VPS4B: variants seen among roughly 807,000 people sequenced by gnomAD.
VPS4B encodes vacuolar protein sorting 4 homolog B, also known as vacuolar protein sorting-associated protein 4B.
Under a neutral mutation model 56.1 loss-of-function variants are expected in VPS4B, and 23 were observed. The observed-to-expected ratio is 0.41, with a 90% CI of 0.30 to 0.58. VPS4B has a LOEUF of 0.58. Among genes scored for constraint, VPS4B ranks in the 20% least tolerant of loss-of-function variants. The pLI is 0.29. For missense variants in VPS4B, 372 were observed against 531.9 expected, an observed-to-expected ratio of 0.70 and a Z score of 2.96; for synonymous variants, 177 against 186.0, an observed-to-expected ratio of 0.95 and a Z score of 0.39.
At chr18:63,400,736 A>C (rs1915791210) in intron 5 of VPS4B, 33 bp from the exon 6 acceptor site, 8 of 1,577,164 alleles carry the variant, frequency 5.1e-6, no homozygotes, top group Non-Finnish European at 6.9e-6. Context: ...TGTCATGAGA[A>C]TTTTAACACT....
At chr18:63,416,273 A>C (rs149614981) in intron 1 of VPS4B, 1 of 211,620 alleles carries the variant, frequency 4.7e-6, no homozygotes, top group East Asian at 1.1e-4. Context: ...CTGTTCCTGC[A>C]GCAGCTGTAG....
At chr18:63,415,647 A>G (rs914946444) in intron 1 of VPS4B, 27 of 246,132 alleles carry the variant, frequency 1.1e-4, no homozygotes, top group African/African-American at 6.0e-4. Flanking sequence ...AAAGCTGTCC[A>G]GTTGGTTGAG....
intron 10 of VPS4B, among the ~76,000 whole-genome samples, 191 bp downstream of exon 10, chr18:63,393,218 C>T (rs1418843061): frequency 6.6e-6 from 1 of 152,000 alleles, no homozygotes; most frequent in Non-Finnish European, 1.5e-5. Context: ...CCTCTAAACC[C>T]AAGAAAATAG....
intron 1 of VPS4B, among the ~76,000 whole-genome samples, chr18:63,413,421 C>T (rs764923986): frequency 3.9e-5 from 6 of 152,074 alleles, no homozygotes; most frequent in Middle Eastern, 6.8e-3. Context: ...CGCCTATAGT[C>T]CCAGCTACTT....
chr18:63,411,337 T>C (rs1916036244), intron 2 of VPS4B, 130 bp downstream of exon 2: 3 of 601,994 alleles, frequency 5.0e-6, no homozygotes, highest in African/African-American at 1.9e-5. Flanking sequence ...AGAAAGAAAG[T>C]GGAGTATTTT....
intron 1 of VPS4B, among the ~76,000 whole-genome samples, chr18:63,422,007 A>G (rs1420548081): frequency 6.6e-6 from 1 of 152,222 alleles, no homozygotes; most frequent in African/African-American, 2.4e-5. Flanking sequence ...ACAAAAGTGA[A>G]GAGTCTCACA....
intron 1 of VPS4B, among the ~76,000 whole-genome samples, chr18:63,413,465 G>GGAGGC (rs1240572925): frequency 3.3e-5 from 5 of 151,694 alleles, no homozygotes; most frequent in African/African-American, 1.2e-4. Flanking sequence ...CTTGAACCCG[G>GGAGGC]GAGGCGGTGG....
chr18:63,422,167 C>T, intron 1 of VPS4B, 66 bp downstream of exon 1: 1 of 1,420,266 alleles, frequency 7.0e-7, no homozygotes, highest in South Asian at 1.5e-5. Flanking sequence ...TCCCCGCCCC[C>T]CACCCGCTTC....
chr18:63,392,730 G>A (rs1489767325), intron 10 of VPS4B, among the ~76,000 whole-genome samples: 2 of 140,814 alleles, frequency 1.4e-5, no homozygotes, highest in South Asian at 2.4e-4. Flanking sequence ...TTACAGGCAT[G>A]AGCCACCGTA....
At chr18:63,407,535 T>A (rs770507499) in intron 3 of VPS4B, 36 bp from the exon 4 acceptor site, 3 of 1,508,660 alleles carry the variant, frequency 2.0e-6, no homozygotes, top group African/African-American at 1.4e-5. Flanking sequence ...AAATGATCAC[T>A]CATTGCTATC....
chr18:63,417,152 T>A (rs1916185957), intron 1 of VPS4B, among the ~76,000 whole-genome samples: 1 of 152,198 alleles, frequency 6.6e-6, no homozygotes, highest in Non-Finnish European at 1.5e-5. Context: ...TTACTTCACT[T>A]CTGTCATTCT....
chr18:63,410,963 T>A (rs1028458283), intron 2 of VPS4B, among the ~76,000 whole-genome samples: 7 of 152,226 alleles, frequency 4.6e-5, no homozygotes. Flanking sequence ...AAAGTGAACT[T>A]TGGCAACACG....
At chr18:63,401,099 T>C (rs1915797906) in intron 5 of VPS4B, among the ~76,000 whole-genome samples, 1 of 152,214 alleles carries the variant, frequency 6.6e-6, no homozygotes, top group Admixed American at 6.5e-5. Context: ...ACAAAAATTA[T>C]ATCCATAAAA....
At chr18:63,411,669 T>A (rs1395964206) in intron 1 of VPS4B, 91 bp from the exon 2 acceptor site, 51 of 881,076 alleles carry the variant, frequency 5.8e-5, no homozygotes, top group South Asian at 7.2e-5. Flanking sequence ...TTTTTTTTTT[T>A]AAAGCTTCTC....
At position 63,403,789 on chromosome 18, in the gene VPS4B, A is replaced by G. The variant is rs758341819; in HGVS notation, c.402T>C (p.Ser134=). 6.2e-7 allele frequency: 1 copy of G among 1,613,008 alleles called. No individual in the cohort carries two copies. The highest frequency in any genetic ancestry group is 1.1e-5 in the South Asian group (1 of 90,868). Reference sequence around the variant, plus strand: ...TGGCTCCTTCAAGTCCAGCAACGTCACTCCATTTCACATTTGGTCGTTCTA... The same window carrying G: ...TGGCTCCTTCAAGTCCAGCAACGTCGCTCCATTTCACATTTGGTCGTTCTA... ...IVIERPNVKW[S]DVAGLEGAKE... is the part of the protein sequence containing the mutation. Residue 134 remains serine, a synonymous_variant, in exon 5 of 11, where the codon AGT becomes AGC. Coordinates refer to ENST00000238497, the MANE Select transcript of VPS4B (RefSeq NM_004869.4).
chr18:63,413,191 T>A (rs1233958203), intron 1 of VPS4B, among the ~76,000 whole-genome samples: 1 of 152,164 alleles, frequency 6.6e-6, no homozygotes. Context: ...AATATCAATA[T>A]CCTGGTTGTG....
intron 1 of VPS4B, among the ~76,000 whole-genome samples, chr18:63,418,651 C>T (rs1916224292): frequency 6.6e-6 from 1 of 152,182 alleles, no homozygotes; most frequent in Admixed American, 6.5e-5. Context: ...TCTGCTGCCT[C>T]GGCCTCCCAA....
rs751250634 is a variant in VPS4B, at chr18:63,400,530, AT to A, written c.641+16del. The A allele has an allele frequency of 6.3e-7, 1 of 1,597,356 alleles. No homozygotes were observed. The highest frequency in any genetic ancestry group is 8.5e-7 in the Non-Finnish European group (1 of 1,175,682). On this transcript the variant is annotated intron_variant, in intron 6 of 10. Coordinates refer to ENST00000238497, the MANE Select transcript of VPS4B (RefSeq NM_004869.4). ...ACAGGCAAAGAAAAAACTTTAAAAA[AT>A]TGATTTACTACTTACTTTTCACTTT...
chr18:63,399,220 G>C, intron 8 of VPS4B, 22 bp downstream of exon 8: 2 of 1,575,964 alleles, frequency 1.3e-6, no homozygotes. Flanking sequence ...TGAGAAATAA[G>C]ATATTTACTA....
Sources: allele counts gnomAD v4.1 joint callset (sites outside exome capture counted in the v4.1 genomes callset), GRCh38; gene constraint gnomAD v4.1.1; transcripts MANE v1.5; gene names NCBI Gene and HGNC (gene_info 2026-07-23, HGNC 2026-07-21).